PTPRT: variants seen among roughly 807,000 people sequenced by gnomAD.
PTPRT encodes protein tyrosine phosphatase receptor type T.
PTPRT carries 56 observed loss-of-function variants against 176.8 expected under a neutral mutation model. That is an observed-to-expected ratio of 0.32 (90% CI 0.26 to 0.40). PTPRT has a LOEUF of 0.40. PTPRT is among the 10% of genes least tolerant of loss of function. The pLI, the probability that PTPRT is intolerant of heterozygous loss-of-function variation, is 1.00. For missense variants in PTPRT, 1,540 were observed against 1,908.2 expected (o/e 0.81, Z 3.60); for synonymous variants, 783 against 739.0 (o/e 1.06, Z -0.96).
chr20:42,936,108 C>T (rs1001420540), intron 1 of PTPRT, among the ~76,000 whole-genome samples: 7 of 152,092 alleles, frequency 4.6e-5, no homozygotes, highest in Non-Finnish European at 8.8e-5. Flanking sequence ...TCATAAAACT[C>T]ATATTCTAAT....
At chr20:42,271,356 T>TATA (rs2056931945) in intron 13 of PTPRT, among the ~76,000 whole-genome samples, 2 of 152,240 alleles carry the variant, frequency 1.3e-5, no homozygotes, top group South Asian at 4.1e-4. Context: ...GGTGTCAGTT[T>TATA]ATAACCTGTT....
At chr20:42,455,077 T>G (rs974663426) in intron 8 of PTPRT, among the ~76,000 whole-genome samples, 1 of 152,182 alleles carries the variant, frequency 6.6e-6, no homozygotes, top group East Asian at 1.9e-4. Flanking sequence ...CTGAAACCAT[T>G]GTGATGATGA....
At chr20:42,835,441 C>CA (rs1178834774) in intron 2 of PTPRT, among the ~76,000 whole-genome samples, 4 of 152,022 alleles carry the variant, frequency 2.6e-5, no homozygotes, top group Admixed American at 2.6e-4. Context: ...TAGATGATAT[C>CA]CAAATGAAAT....
intron 1 of PTPRT, among the ~76,000 whole-genome samples, chr20:43,094,909 A>G (rs1390265064): frequency 6.6e-6 from 1 of 152,186 alleles, no homozygotes; most frequent in Non-Finnish European, 1.5e-5. Flanking sequence ...AAGAAGATGA[A>G]GCAGGTTACC....
chr20:42,484,117 T>G lies in PTPRT; in HGVS notation c.1154-11555A>C, dbSNP rs370233117. On this transcript the variant is annotated intron_variant, in intron 7 of 30. Transcript: ENST00000373187. ...ACAGTTGCCACCTTTGTCTAGTGTT[T>G]TCATGTTCTCTTTTAATGTTTTCCA... is the stretch of plus-strand genomic sequence containing the variant. Among the ~76,000 whole-genome samples the G allele has an allele frequency of 3.1e-3, 473 of 152,314 alleles. 22 individuals carry two copies. In the South Asian group the frequency reaches 0.092, roughly 30 times the overall value.
At chr20:42,116,034 A>G in intron 21 of PTPRT, 1 of 722,074 alleles carries the variant, frequency 1.4e-6, no homozygotes, top group South Asian at 1.5e-5. Context: ...CAAAAGCATG[A>G]TTACCATTCC....
intron 7 of PTPRT, among the ~76,000 whole-genome samples, chr20:42,615,433 G>A (rs1222937920): frequency 7.2e-6 from 1 of 138,222 alleles, no homozygotes; most frequent in Non-Finnish European, 1.5e-5. Flanking sequence ...ATGATTTATA[G>A]TCATTTGGGT....
In PTPRT at chr20:42,900,119, G is replaced by T. The variant is rs903627635; in HGVS notation, c.89-14187C>A. 3.3e-5 allele frequency among the ~76,000 whole-genome samples: 5 copies of T among 152,184 alleles called. No homozygotes were observed. In the East Asian group the frequency reaches 7.7e-4, roughly 23 times the overall value. ...GATATTCCGCAAAGCATTGCAACAG[G>T]CAAATTGCCCTGTAAATCCATCAAA... On this transcript the variant is annotated intron_variant, in intron 1 of 30. Coordinates refer to ENST00000373187, the MANE Select transcript of PTPRT (RefSeq NM_007050.6).
At chr20:43,089,253 A>G (rs1245305106) in intron 1 of PTPRT, among the ~76,000 whole-genome samples, 2 of 152,116 alleles carry the variant, frequency 1.3e-5, no homozygotes, top group Admixed American at 1.3e-4. Flanking sequence ...GAGGGTGTGA[A>G]CTCTTCATCG....
chr20:42,248,933 C>G, intron 13 of PTPRT, 111 bp from the exon 14 acceptor site: 2 of 1,332,600 alleles, frequency 1.5e-6, no homozygotes, highest in Non-Finnish European at 2.1e-6. Context: ...ATGTGCCAGG[C>G]ACTGTGCTAA....
chr20:42,928,892 T>C (rs1404025437), intron 1 of PTPRT, among the ~76,000 whole-genome samples: 2 of 152,178 alleles, frequency 1.3e-5, no homozygotes, highest in Admixed American at 6.5e-5. Context: ...ACCCTGTCAG[T>C]CCCATCTTTT....
intron 6 of PTPRT, among the ~76,000 whole-genome samples, chr20:42,729,681 T>C (rs1044916011): frequency 6.6e-6 from 1 of 152,226 alleles, no homozygotes; most frequent in Non-Finnish European, 1.5e-5. Flanking sequence ...GCTTGGTCCC[T>C]GGCTGTGAGA....
At chr20:43,020,164 TTGTCTC>T (rs1474071475) in intron 1 of PTPRT, among the ~76,000 whole-genome samples, 9 of 145,796 alleles carry the variant, frequency 6.2e-5, no homozygotes, top group African/African-American at 2.3e-4. Flanking sequence ...GCATGTGTGT[TTGTCTC>T]TATATAATTA....
intron 1 of PTPRT, among the ~76,000 whole-genome samples, chr20:43,076,767 C>G (rs1834300153): frequency 1.3e-5 from 2 of 152,070 alleles, no homozygotes; most frequent in Admixed American, 6.6e-5. Flanking sequence ...AGCTTTGATT[C>G]CTCTCTTTCC....
intron 26 of PTPRT, among the ~76,000 whole-genome samples, chr20:42,100,432 G>A (rs1985820613): frequency 6.6e-6 from 1 of 152,212 alleles, no homozygotes; most frequent in Admixed American, 6.5e-5. Flanking sequence ...ATACAGATAA[G>A]GACGACTTTT....
At chr20:42,809,746 T>C (rs960503301) in intron 2 of PTPRT, among the ~76,000 whole-genome samples, 18 of 152,180 alleles carry the variant, frequency 1.2e-4, no homozygotes, top group Admixed American at 4.6e-4. Context: ...CAAATCTCCC[T>C]CTGCTTTGCT....
chr20:42,766,449 G>A (rs1261466957), intron 5 of PTPRT, among the ~76,000 whole-genome samples: 4 of 152,048 alleles, frequency 2.6e-5, no homozygotes, highest in Admixed American at 1.3e-4. Context: ...TTTCTGCATC[G>A]GTCCTGTCCA....
intron 8 of PTPRT, among the ~76,000 whole-genome samples, chr20:42,462,923 T>C (rs2071044522): frequency 6.6e-6 from 1 of 152,182 alleles, no homozygotes; most frequent in Non-Finnish European, 1.5e-5. Context: ...CAAGGTTGCA[T>C]AGTGAAGTAG....
intron 1 of PTPRT, among the ~76,000 whole-genome samples, chr20:43,041,983 G>A (rs1218179362): frequency 1.3e-5 from 2 of 152,158 alleles, no homozygotes; most frequent in Non-Finnish European, 2.9e-5. Context: ...ATTTTTGCAT[G>A]CCTGAACTCA....
Sources: gnomAD v4.1 joint callset for allele counts (sites outside exome capture counted in the v4.1 genomes callset) on GRCh38, gnomAD v4.1.1 for gene constraint, MANE v1.5 for transcripts, NCBI Gene and HGNC (gene_info 2026-07-23, HGNC 2026-07-21) for gene names.